Variants in ITGA2B observed in about 807,000 individuals in gnomAD.
The protein encoded by ITGA2B is integrin alpha-IIb.
ITGA2B carries 91 observed loss-of-function variants against 142.0 expected under a neutral mutation model. The ratio of observed to expected loss-of-function variants is 0.64; its 90% CI spans 0.54 to 0.76. ITGA2B has a LOEUF of 0.76. Among genes scored for constraint, ITGA2B ranks in the 30% least tolerant of loss-of-function variants. ITGA2B has a pLI of 0.00. For synonymous variants in ITGA2B, 536 were observed against 567.2 expected (o/e 0.94, Z 0.78); for missense variants, 1,231 against 1,350.8 (o/e 0.91, Z 1.39).
rs1289550069 is a variant in ITGA2B, at chr17:44,380,634, C to T, written c.1405G>A (p.Gly469Arg). Residue 469 changes from glycine to arginine, a missense_variant, in exon 14 of 30, where the codon GGA becomes AGA. Physicochemically the swap from Gly to Arg is moderately radical, Grantham distance 125 (BLOSUM62 -2). Around this residue, in one of 3 missense-constraint regions of ITGA2B, gnomAD observed 908 missense variants for 1,021.1 expected, o/e 0.89. Coordinates refer to ENST00000262407, the MANE Select transcript of ITGA2B (RefSeq NM_000419.5). Reference protein sequence around the residue: ...DDNGYPDLIVGAYGANQVAVY... With the variant: ...DDNGYPDLIVRAYGANQVAVY... Reference sequence around the variant, plus strand: ...GCCACCTGGTTGGCCCCGTAAGCTCCCACGATCAGGTCTATAGACATCGAG... The same window carrying T: ...GCCACCTGGTTGGCCCCGTAAGCTCTCACGATCAGGTCTATAGACATCGAG... 6.2e-7 allele frequency: 1 copy of T among 1,614,206 alleles called. No homozygotes were observed.
Position 44,381,012 on chromosome 17 carries a change from C to A in ITGA2B, c.1260G>T (p.Val420=), listed in dbSNP as rs752905354. 13 of 1,613,234 alleles carry A rather than the reference C, an allele frequency of 8.1e-6. No individual in the cohort carries two copies. In the East Asian group the frequency reaches 2.9e-4, roughly 36 times the overall value. The change falls in exon 13 of 30, where the codon GTG becomes GTT. Residue 420 remains valine (V), a synonymous_variant. Coordinates refer to ENST00000262407, the MANE Select transcript of ITGA2B (RefSeq NM_000419.5). ...CCTCACTCTGACCCAGGAACACCAG[C>A]ACTTGGCCCCGGCCACTGGGACCCC... ...PYGGPSGRGQ[V]LVFLGQSEGL...
At position 44,375,143 on chromosome 17, in the gene ITGA2B, T is replaced by G. The variant is rs201904682; in HGVS notation, c.2728-32A>C. 78 of 1,516,866 alleles carry G rather than the reference T, an allele frequency of 5.1e-5. 1 individual carries two copies. The East Asian group carries it at 1.7e-3, about 33-fold the overall frequency. The allele number at this position is 1,516,866 out of a possible 1,614,324, so 94.0% of individuals were successfully genotyped here. A position where few individuals can be genotyped will look rare whatever the true frequency, so the allele number is the denominator to read the frequency against. On this transcript the variant is annotated intron_variant, in intron 26 of 29. Coordinates refer to ENST00000262407, the MANE Select transcript of ITGA2B (RefSeq NM_000419.5). ...GGAAGCATCGTCAGTCCCCAGCCCG[T>G]CCCGGCCCATCACCCCATCATCCCC... is the stretch of plus-strand genomic sequence containing the variant.
intron 1 of ITGA2B, among the ~76,000 whole-genome samples, chr17:44,387,740 G>T (rs886563144): frequency 6.3e-5 from 9 of 142,076 alleles, no homozygotes; most frequent in African/African-American, 2.4e-4. Flanking sequence ...CAGGAGAATC[G>T]CTTGAACCCG....
In ITGA2B at chr17:44,380,023, G is replaced by A. The variant is rs1189575936; in HGVS notation, c.1731C>T (p.His577=). The stretch of plus-strand genomic sequence containing the variant: ...GTACTCGAAGGAAGGCCATGGTGGT[G>A]TGGCAGATGGGGCTGTGCTTTCCGC... The part of the protein sequence containing the change: ...DLGGKHSPIC[H]TTMAFLRDEA... Residue 577 remains histidine, a synonymous_variant, in exon 17 of 30, where the codon CAC becomes CAT. Transcript: ENST00000262407. The A allele has an allele frequency of 3.7e-6, 6 of 1,613,560 alleles. No homozygotes were observed. The highest frequency in any genetic ancestry group is 1.8e-4 in the Middle Eastern group (1 of 5,634).
chr17:44,383,978 G>A (rs754355467), intron 10 of ITGA2B, 32 bp from the exon 11 acceptor site: 21 of 1,613,812 alleles, frequency 1.3e-5, no homozygotes, highest in African/African-American at 2.7e-5. Flanking sequence ...CATTCACGCC[G>A]CTGGACAAGC....
chr17:44,380,659 G>A lies in ITGA2B; in HGVS notation c.1394-14C>T, dbSNP rs368062044. The A allele has an allele frequency of 3.3e-4, 537 of 1,614,210 alleles. No individual in the cohort carries two copies. The highest frequency in any genetic ancestry group is 4.9e-4 in the South Asian group (45 of 91,078). On this transcript the variant is annotated splice_polypyrimidine_tract_variant and intron_variant, in intron 13 of 29. Coordinates refer to ENST00000262407, the MANE Select transcript of ITGA2B (RefSeq NM_000419.5). ...CCACGATCAGGTCTATAGACATCGA[G>A]GAATGGGTCAGAATTGGCGATTAGG... is the stretch of plus-strand genomic sequence containing the variant.
chr17:44,381,381 G>A (rs1191355057), intron 12 of ITGA2B, among the ~76,000 whole-genome samples: 1 of 151,694 alleles, frequency 6.6e-6, no homozygotes. Context: ...CCTGGCTGGA[G>A]TGCAGTGGTG....
chr17:44,383,031 T>C (rs975456189), intron 12 of ITGA2B, among the ~76,000 whole-genome samples: 4 of 152,138 alleles, frequency 2.6e-5, no homozygotes, highest in African/African-American at 9.7e-5. Flanking sequence ...AACTGTTCTT[T>C]GGATATTTCC....
chr17:44,381,095 G>A (rs2048593545), intron 12 of ITGA2B, 34 bp from the exon 13 acceptor site: 1 of 1,598,452 alleles, frequency 6.3e-7, no homozygotes, highest in African/African-American at 1.3e-5. Context: ...GTGGCTGATT[G>A]TTATTCAGCC....
intron 1 of ITGA2B, among the ~76,000 whole-genome samples, chr17:44,387,530 A>G (rs966508202): frequency 5.3e-5 from 8 of 150,664 alleles, no homozygotes; most frequent in African/African-American, 1.7e-4. Context: ...TCTCAAAAAA[A>G]AAGAAGAAAA....
chr17:44,381,333 A>C (rs1331833124), intron 12 of ITGA2B, among the ~76,000 whole-genome samples: 2 of 150,318 alleles, frequency 1.3e-5, no homozygotes, highest in Non-Finnish European at 2.9e-5. Context: ...CCCTTTTCTA[A>C]ATTTTTTTTT....
rs751729298 is a variant in ITGA2B at position 44,384,334 on chromosome 17, T to A, written c.868A>T (p.Thr290Ser). 1 of 1,612,826 alleles carries A rather than the reference T, an allele frequency of 6.2e-7. No homozygotes were observed. The highest frequency in any genetic ancestry group is 2.2e-5 in the East Asian group (1 of 44,830). The change falls in exon 9 of 30, where the codon ACT becomes TCT. Residue 290 changes from threonine to serine, a missense_variant. Transcript: ENST00000262407. ...NTTEYVVGAP[T>S]WSWTLGAVEI... The stretch of plus-strand genomic sequence containing the variant: ...ACCGCTCCCAGGGTCCAGCTCCAAG[T>A]GGGGGCACCGACGACATATTCTGGC...
At chr17:44,384,414 C>T (rs891872123) in intron 8 of ITGA2B, 60 bp from the exon 9 acceptor site, 3 of 1,608,488 alleles carry the variant, frequency 1.9e-6, no homozygotes, top group Non-Finnish European at 2.6e-6. Flanking sequence ...CCACTTCCCG[C>T]TCCCCGTTCT....
intron 1 of ITGA2B, among the ~76,000 whole-genome samples, chr17:44,388,733 G>T (rs927388741): frequency 6.6e-6 from 1 of 151,670 alleles, no homozygotes; most frequent in African/African-American, 2.4e-5. Flanking sequence ...TGGCCAGGCT[G>T]GTCTTGAACT....
chr17:44,380,647 T>G lies in ITGA2B; in HGVS notation c.1394-2A>C. On this transcript the variant is annotated splice_acceptor_variant, in intron 13 of 29. Coordinates refer to ENST00000262407, the MANE Select transcript of ITGA2B (RefSeq NM_000419.5). LOFTEE classifies it high-confidence loss of function. ...CCCCGTAAGCTCCCACGATCAGGTC[T>G]ATAGACATCGAGGAATGGGTCAGAA... The G allele has an allele frequency of 6.2e-7, 1 of 1,614,214 alleles. No individual in the cohort carries two copies. The highest frequency in any genetic ancestry group is 8.5e-7 in the Non-Finnish European group (1 of 1,180,032).
chr17:44,383,547 G>A lies in ITGA2B; in HGVS notation c.1156C>T (p.Arg386Ter), dbSNP rs556258793. The A allele has an allele frequency of 6.2e-7, 1 of 1,611,742 alleles. No homozygotes were observed. Among genetic ancestry groups the A allele is most frequent in the Non-Finnish European group, 8.5e-7 (1 of 1,179,916 alleles). Residue 386 changes from arginine to a stop codon, truncating the protein, a stop_gained, in exon 12 of 30, where the codon CGA (arginine) becomes TGA (stop). Transcript: ENST00000262407. LOFTEE classifies it high-confidence loss of function. Reference sequence around the variant, plus strand: ...AGGGGTGCGATGGCAGAGCCGAATCGCCCATAGAGCTGTGTGCCAGTCAGC... The same window carrying A: ...AGGGGTGCGATGGCAGAGCCGAATCACCCATAGAGCTGTGTGCCAGTCAGC... ...LLLTGTQLYG[R>*]FGSAIAPLGD...
intron 18 of ITGA2B, 65 bp from the exon 19 acceptor site, chr17:44,378,775 G>A: frequency 6.8e-7 from 1 of 1,461,246 alleles, no homozygotes; most frequent in Non-Finnish European, 9.4e-7. Flanking sequence ...ATTACATCAG[G>A]GTTAGGAAAA....
intron 4 of ITGA2B, 95 bp from the exon 5 acceptor site, chr17:44,385,430 C>A: frequency 2.7e-6 from 4 of 1,499,940 alleles, no homozygotes; most frequent in Non-Finnish European, 3.6e-6. Flanking sequence ...GGCCTTGAGT[C>A]GGCGGGGCCC....
intron 10 of ITGA2B, 69 bp from the exon 11 acceptor site, chr17:44,384,015 C>A: frequency 2.6e-5 from 42 of 1,613,620 alleles, no homozygotes; most frequent in Non-Finnish European, 3.5e-5. Context: ...GGGCCCTCAC[C>A]TCCCATGAAA....
Sources: allele counts gnomAD v4.1 joint callset (sites outside exome capture counted in the v4.1 genomes callset), GRCh38; gene constraint gnomAD v4.1.1; regional missense constraint gnomAD v4.1.1; transcripts MANE v1.5; gene names NCBI Gene and HGNC (gene_info 2026-07-23, HGNC 2026-07-21).